SLC25A13: variants seen among roughly 807,000 people sequenced by gnomAD.
The protein encoded by SLC25A13 is electrogenic aspartate/glutamate antiporter SLC25A13, mitochondrial.
Under a neutral mutation model 85.5 loss-of-function variants are expected in SLC25A13, and 70 were observed. The ratio of observed to expected loss-of-function variants is 0.82; its 90% CI spans 0.68 to 1.00. SLC25A13 has a LOEUF of 1.00. Among genes scored for constraint, SLC25A13 ranks in the 50% least tolerant of loss-of-function variants. SLC25A13 has a pLI of 0.00. For synonymous variants in SLC25A13, 259 were observed against 288.7 expected (o/e 0.90, Z 1.04); for missense variants, 765 against 819.8 (o/e 0.93, Z 0.82).
intron 4 of SLC25A13, among the ~76,000 whole-genome samples, chr7:96,229,399 A>C (rs1336075026): frequency 6.6e-6 from 1 of 152,130 alleles, no homozygotes; most frequent in Non-Finnish European, 1.5e-5. Context: ...AAAACAGACC[A>C]ATCAGCTCTC....
intron 2 of SLC25A13, among the ~76,000 whole-genome samples, chr7:96,290,245 A>C (rs1799062579): frequency 6.6e-6 from 1 of 152,222 alleles, no homozygotes; most frequent in Admixed American, 6.5e-5. Context: ...TGTCAACACC[A>C]GGCCTGCCCT....
intron 2 of SLC25A13, among the ~76,000 whole-genome samples, chr7:96,286,146 T>C (rs997511583): frequency 6.6e-6 from 1 of 151,228 alleles, no homozygotes. Flanking sequence ...TACCCGGGCA[T>C]GGTGGCAGGC....
chr7:96,131,315 C>T (rs1792020103), intron 15 of SLC25A13, among the ~76,000 whole-genome samples: 1 of 152,230 alleles, frequency 6.6e-6, no homozygotes, highest in Non-Finnish European at 1.5e-5. Context: ...TCTGGTTCTA[C>T]TACATTTCTT....
intron 2 of SLC25A13, 24 bp downstream of exon 2, chr7:96,296,874 C>T: frequency 6.2e-7 from 1 of 1,603,066 alleles, no homozygotes; most frequent in Non-Finnish European, 8.5e-7. Flanking sequence ...AAACAAGAAA[C>T]AAAATAGATT....
At chr7:96,313,049 G>A (rs781410738) in intron 1 of SLC25A13, among the ~76,000 whole-genome samples, 33 of 152,164 alleles carry the variant, frequency 2.2e-4, no homozygotes, top group Non-Finnish European at 3.7e-4. Context: ...CCAAAAAGAT[G>A]GATTCAGTTA....
Position 96,121,292 on chromosome 7 carries a change from C to T in SLC25A13, c.1927G>A (p.Ala643Thr). Reference sequence around the variant, plus strand: ...TCAATCCCTGCAAATGTAGCAACTGCCAGTTTGTAGCCCCCAACGTGATCA... The same window carrying T: ...TCAATCCCTGCAAATGTAGCAACTGTCAGTTTGTAGCCCCCAACGTGATCA... Reference protein sequence around the residue: ...NPDHVGGYKLAVATFAGIENK... With the variant: ...NPDHVGGYKLTVATFAGIENK... Residue 643 changes from alanine (A) to threonine (T), a missense_variant, in exon 18 of 18, where the codon GCA becomes ACA. Transcript: ENST00000265631. 1 of 1,614,080 alleles carries T rather than the reference C, an allele frequency of 6.2e-7. No homozygotes were observed.
chr7:96,320,664 T>G (rs1800307726), intron 1 of SLC25A13, among the ~76,000 whole-genome samples: 1 of 152,162 alleles, frequency 6.6e-6, no homozygotes, highest in South Asian at 2.1e-4. Flanking sequence ...CAAACATACA[T>G]GAGCCCACAC....
intron 15 of SLC25A13, among the ~76,000 whole-genome samples, chr7:96,122,773 T>C (rs1791566648): frequency 6.6e-6 from 1 of 152,218 alleles, no homozygotes; most frequent in Non-Finnish European, 1.5e-5. Flanking sequence ...GAAATTTTTC[T>C]ACAGTCACTG....
At chr7:96,312,251 C>T (rs778707076) in intron 1 of SLC25A13, among the ~76,000 whole-genome samples, 1 of 152,136 alleles carries the variant, frequency 6.6e-6, no homozygotes, top group Non-Finnish European at 1.5e-5. Flanking sequence ...CCTCAAAGAA[C>T]TTAACTACTC....
intron 11 of SLC25A13, among the ~76,000 whole-genome samples, chr7:96,182,410 T>TG (rs1794452209): frequency 1.3e-5 from 2 of 152,244 alleles, no homozygotes; most frequent in South Asian, 4.1e-4. Flanking sequence ...GACAGACAGC[T>TG]CTGTCTCTTG....
intron 3 of SLC25A13, among the ~76,000 whole-genome samples, chr7:96,235,750 G>A (rs1309801311): frequency 6.6e-6 from 1 of 152,112 alleles, no homozygotes; most frequent in Non-Finnish European, 1.5e-5. Flanking sequence ...GACCAGAGGT[G>A]GCCTTGAAGA....
intron 3 of SLC25A13, among the ~76,000 whole-genome samples, chr7:96,252,158 G>C (rs751491933): frequency 6.6e-6 from 1 of 152,112 alleles, no homozygotes; most frequent in Non-Finnish European, 1.5e-5. Context: ...CAACTTTCCA[G>C]CATCTTCCTT....
intron 5 of SLC25A13, 54 bp from the exon 6 acceptor site, chr7:96,193,237 T>A: frequency 6.3e-7 from 1 of 1,585,284 alleles, no homozygotes. Flanking sequence ...TAATAATTAC[T>A]ACAAATGACA....
chr7:96,179,455 T>C (rs1046769978), intron 11 of SLC25A13, among the ~76,000 whole-genome samples: 1 of 152,212 alleles, frequency 6.6e-6, no homozygotes, highest in Non-Finnish European at 1.5e-5. Flanking sequence ...CACTCTCAAG[T>C]CTCTAACAAT....
At position 96,232,606 on chromosome 7, in the gene SLC25A13, A is replaced by AAT. The variant is rs1562864128; in HGVS notation, c.328+2195_328+2196insAT. On this transcript the variant is annotated intron_variant, in intron 4 of 17. Coordinates refer to ENST00000265631, the MANE Select transcript of SLC25A13 (RefSeq NM_014251.3). Reference sequence around the variant, plus strand: ...CCTGAACTTACGTTAAAAAAAAAAAATTTAAAAAAATTTTAAAAAAAAGGG... The same window carrying AAT: ...CCTGAACTTACGTTAAAAAAAAAAAAATTTTAAAAAAATTTTAAAAAAAAGGG... Among the ~76,000 whole-genome samples the AAT allele has an allele frequency of 3.2e-4, 48 of 150,582 alleles. No individual in the cohort carries two copies. The East Asian group carries it at 5.5e-3, about 17-fold the overall frequency.
At chr7:96,318,165 G>A (rs937976591) in intron 1 of SLC25A13, among the ~76,000 whole-genome samples, 3 of 152,086 alleles carry the variant, frequency 2.0e-5, no homozygotes, top group Non-Finnish European at 1.5e-5. Context: ...TTTGGTTCTA[G>A]GCTAATATTG....
In SLC25A13 at chr7:96,258,744, C is replaced by A. The variant is rs139882841; in HGVS notation, c.212+18452G>T. 1.6e-3 allele frequency among the ~76,000 whole-genome samples: 250 copies of A among 152,222 alleles called. 1 individual carries two copies. Among genetic ancestry groups the A allele is most frequent in the Non-Finnish European group, 2.9e-3 (198 of 68,016 alleles). ...AATTTCACATGGAAACAAAAAAGAG[C>A]CCGTATAGCCAACACAATCCTAAGC... On this transcript the variant is annotated intron_variant, in intron 3 of 17. Coordinates refer to ENST00000265631, the MANE Select transcript of SLC25A13 (RefSeq NM_014251.3).
At chr7:96,132,697 C>G (rs1360943147) in intron 14 of SLC25A13, among the ~76,000 whole-genome samples, 1 of 152,190 alleles carries the variant, frequency 6.6e-6, no homozygotes, top group Admixed American at 6.5e-5. Flanking sequence ...GAAATCATCA[C>G]TTTTCAACAT....
intron 3 of SLC25A13, 109 bp downstream of exon 3, chr7:96,277,087 G>C: frequency 9.7e-7 from 1 of 1,026,014 alleles, no homozygotes; most frequent in Non-Finnish European, 1.4e-6. Context: ...TACAGAAAAT[G>C]GTCCTAAGAG....
Sources: allele counts gnomAD v4.1 joint callset (sites outside exome capture counted in the v4.1 genomes callset), GRCh38; gene constraint gnomAD v4.1.1; transcripts MANE v1.5; gene names NCBI Gene and HGNC (gene_info 2026-07-23, HGNC 2026-07-21).